Variants in NDST4 observed in about 807,000 individuals in gnomAD.
The protein encoded by NDST4 is N-heparan sulfate sulfotransferase 4.
In NDST4, 63 loss-of-function variants were observed where a neutral mutation model predicts 100.8. The observed-to-expected ratio is 0.62, with a 90% CI of 0.51 to 0.77. The LOEUF (loss-of-function observed/expected upper bound fraction) is 0.77. Among genes scored for constraint, NDST4 ranks in the 30% least tolerant of loss-of-function variants. The pLI, the probability that NDST4 is intolerant of heterozygous loss-of-function variation, is 0.00. For missense variants in NDST4, 943 were observed against 1,018.4 expected, an observed-to-expected ratio of 0.93 and a Z score of 1.01; for synonymous variants, 377 against 361.8, an observed-to-expected ratio of 1.04 and a Z score of -0.48.
At chr4:114,907,227 G>T (rs1480672826) in intron 6 of NDST4, among the ~76,000 whole-genome samples, 1 of 151,420 alleles carries the variant, frequency 6.6e-6, no homozygotes, top group Non-Finnish European at 1.5e-5. Flanking sequence ...GCTTGTCCTT[G>T]GATTCACTGT....
chr4:114,937,887 G>T (rs1054651250), intron 4 of NDST4, among the ~76,000 whole-genome samples: 6 of 147,044 alleles, frequency 4.1e-5, no homozygotes, highest in African/African-American at 1.5e-4. Flanking sequence ...GTGTGTGTGT[G>T]TGGCGGGGGG....
chr4:114,993,753 A>T (rs1727101750), intron 2 of NDST4, among the ~76,000 whole-genome samples: 1 of 151,956 alleles, frequency 6.6e-6, no homozygotes. Flanking sequence ...ATCCTTGTCC[A>T]TAAATTTAGC....
At chr4:115,017,038 G>T (rs929017952) in intron 2 of NDST4, among the ~76,000 whole-genome samples, 5 of 151,622 alleles carry the variant, frequency 3.3e-5, no homozygotes, top group African/African-American at 1.2e-4. Context: ...AATTAGGAAA[G>T]AGTTTTTCTA....
intron 2 of NDST4, among the ~76,000 whole-genome samples, chr4:115,060,792 G>A (rs1474489406): frequency 6.6e-6 from 1 of 151,792 alleles, no homozygotes; most frequent in Non-Finnish European, 1.5e-5. Flanking sequence ...GTTCAGTGTA[G>A]TCCCAACATG....
At chr4:114,846,475 A>G (rs1723551698) in intron 9 of NDST4, among the ~76,000 whole-genome samples, 1 of 152,230 alleles carries the variant, frequency 6.6e-6, no homozygotes, top group Non-Finnish European at 1.5e-5. Flanking sequence ...ATTTTAGGGC[A>G]TGGCGGTTCT....
chr4:115,083,487 A>C (rs1729343408), intron 1 of NDST4, among the ~76,000 whole-genome samples: 1 of 152,088 alleles, frequency 6.6e-6, no homozygotes, highest in Non-Finnish European at 1.5e-5. Context: ...GAAAACACAA[A>C]AATTATTATA....
intron 2 of NDST4, among the ~76,000 whole-genome samples, chr4:115,026,035 T>C (rs889171944): frequency 6.6e-6 from 1 of 152,084 alleles, no homozygotes; most frequent in Non-Finnish European, 1.5e-5. Context: ...ATATTGAACA[T>C]TATTTAGAGC....
At chr4:115,008,179 T>G (rs1303982169) in intron 2 of NDST4, among the ~76,000 whole-genome samples, 2 of 129,878 alleles carry the variant, frequency 1.5e-5, no homozygotes, top group Non-Finnish European at 3.3e-5. Flanking sequence ...CTGTGTCTTT[T>G]AATTGGAGCA....
intron 2 of NDST4, among the ~76,000 whole-genome samples, chr4:115,003,908 T>C (rs1357456816): frequency 6.6e-6 from 1 of 151,924 alleles, no homozygotes; most frequent in Non-Finnish European, 1.5e-5. Flanking sequence ...CATTTTAAAA[T>C]AAAGAAAATG....
intron 4 of NDST4, among the ~76,000 whole-genome samples, chr4:114,960,821 G>C (rs992488632): frequency 6.6e-5 from 10 of 151,986 alleles, no homozygotes; most frequent in Non-Finnish European, 1.5e-4. Flanking sequence ...AACAAATGAA[G>C]AGTAGAAAAA....
intron 2 of NDST4, among the ~76,000 whole-genome samples, chr4:115,050,548 G>T (rs1280846748): frequency 6.6e-6 from 1 of 152,046 alleles, no homozygotes; most frequent in Non-Finnish European, 1.5e-5. Flanking sequence ...TTCTAGCTAT[G>T]CTCCACAAGT....
chr4:115,072,731 T>G (rs534656287), intron 2 of NDST4, among the ~76,000 whole-genome samples: 1 of 151,856 alleles, frequency 6.6e-6, no homozygotes, highest in Non-Finnish European at 1.5e-5. Context: ...GCCCATAAAA[T>G]GACTAAAAGA....
chr4:115,095,199 G>A (rs1011554009), intron 1 of NDST4, among the ~76,000 whole-genome samples: 4 of 151,832 alleles, frequency 2.6e-5, no homozygotes, highest in African/African-American at 4.8e-5. Flanking sequence ...ATTTATCCCC[G>A]GCCATATCAG....
chr4:114,994,501 G>A (rs1320032278), intron 2 of NDST4, among the ~76,000 whole-genome samples: 1 of 151,946 alleles, frequency 6.6e-6, no homozygotes, highest in Non-Finnish European at 1.5e-5. Flanking sequence ...TGGGATGAAT[G>A]CTAGTAGCGT....
At chr4:115,061,905 A>G (rs1192055338) in intron 2 of NDST4, among the ~76,000 whole-genome samples, 1 of 152,114 alleles carries the variant, frequency 6.6e-6, no homozygotes, top group Non-Finnish European at 1.5e-5. Flanking sequence ...AAATGCTTAT[A>G]TGAGAGGAAA....
At chr4:114,952,908 A>G (rs1387355581) in intron 4 of NDST4, among the ~76,000 whole-genome samples, 5 of 152,156 alleles carry the variant, frequency 3.3e-5, no homozygotes, top group Non-Finnish European at 7.4e-5. Context: ...AAGTTTTTCA[A>G]CAATTACTCA....
chr4:114,924,354 C>G (rs566127234), intron 6 of NDST4, among the ~76,000 whole-genome samples: 14 of 151,530 alleles, frequency 9.2e-5, no homozygotes, highest in Middle Eastern at 3.4e-3. Context: ...TACAAAATCT[C>G]TGCTGTGAGT....
intron 2 of NDST4, among the ~76,000 whole-genome samples, chr4:115,072,321 A>G (rs1729094540): frequency 6.6e-6 from 1 of 152,108 alleles, no homozygotes; most frequent in African/African-American, 2.4e-5. Context: ...CAAAATTCCA[A>G]GGACATTTTT....
chr4:114,865,797 T>C (rs1724014821), intron 7 of NDST4, among the ~76,000 whole-genome samples: 2 of 152,206 alleles, frequency 1.3e-5, no homozygotes, highest in Admixed American at 1.3e-4. Context: ...AATCCAAGAC[T>C]TAAGTCATCA....
Sources: gnomAD v4.1 joint callset for allele counts (sites outside exome capture counted in the v4.1 genomes callset) on GRCh38, gnomAD v4.1.1 for gene constraint, MANE v1.5 for transcripts, NCBI Gene and HGNC (gene_info 2026-07-23, HGNC 2026-07-21) for gene names.